Variants in GLRX3 observed in about 807,000 individuals in gnomAD.
The protein encoded by GLRX3 is glutaredoxin-3.
Under a neutral mutation model 49.5 loss-of-function variants are expected in GLRX3, and 22 were observed. The ratio of observed to expected loss-of-function variants is 0.44; its 90% CI spans 0.32 to 0.63. The LOEUF is 0.63. Ranked by LOEUF, GLRX3 falls within the 30% of genes least tolerant of loss-of-function variation. GLRX3 has a pLI of 0.05. For missense variants in GLRX3, 385 were observed against 396.3 expected, an observed-to-expected ratio of 0.97 and a Z score of 0.24; for synonymous variants, 133 against 140.0, an observed-to-expected ratio of 0.95 and a Z score of 0.35.
chr10:130,136,399 G>A lies in GLRX3; in HGVS notation c.-22G>A, dbSNP rs570224898. The A allele has an allele frequency of 3.2e-6, 4 of 1,249,144 alleles. No homozygotes were observed. In the East Asian group the frequency reaches 1.3e-4, roughly 39 times the overall value. The allele number at this position is 1,249,144 out of a possible 1,614,324, so 77.4% of individuals were successfully genotyped here. A position where few individuals can be genotyped will look rare whatever the true frequency, so the allele number is the denominator to read the frequency against. Reference sequence around the variant, plus strand: ...CACATCCGGCCGCCGGCACTGGATTGCTTCTGTCTGGCGGCGGCAGCATGG... The same window carrying A: ...CACATCCGGCCGCCGGCACTGGATTACTTCTGTCTGGCGGCGGCAGCATGG... On this transcript the variant is annotated 5_prime_UTR_variant, in exon 1 of 11. Coordinates refer to ENST00000331244, the MANE Select transcript of GLRX3 (RefSeq NM_006541.5).
intron 1 of GLRX3, among the ~76,000 whole-genome samples, 187 bp from the exon 2 acceptor site, chr10:130,145,020 TGAAA>T (rs1477487797): frequency 3.9e-5 from 6 of 152,254 alleles, no homozygotes; most frequent in African/African-American, 1.4e-4. Context: ...AAAATTTATC[TGAAA>T]GAGTCTCAAG....
Position 130,154,677 on chromosome 10 carries a change from CA to C in GLRX3, c.202-5317del, listed in dbSNP as rs1266974797. The stretch of plus-strand genomic sequence containing the variant: ...GTGTTCTCTCCTTAGTCTTGCAGCT[CA>C]GTGCCATCATTGGTAAGTGGCCATC... On this transcript the variant is annotated intron_variant, in intron 2 of 10. Coordinates refer to ENST00000331244, the MANE Select transcript of GLRX3 (RefSeq NM_006541.5). Among the ~76,000 whole-genome samples the C allele has an allele frequency of 2.0e-5, 3 of 152,066 alleles. No homozygotes were observed. The East Asian group carries it at 5.8e-4, about 29-fold the overall frequency.
rs57482969 is a variant in GLRX3 at position 130,148,433 on chromosome 10, C to CTTTTT, written c.201+3137_201+3141dup. Among the ~76,000 whole-genome samples the CTTTTT allele has an allele frequency of 2.8e-4, 20 of 70,578 alleles. 3 individuals carry two copies. Among genetic ancestry groups the CTTTTT allele is most frequent in the Admixed American group, 1.1e-3 (5 of 4,466 alleles). The allele number at this position is 70,578 out of a possible 152,430, so 46.3% of individuals were successfully genotyped here. ...GATGTGAGCCACTTTGCCCTTCAGT[C>CTTTTT]TTTTTTTTTTTTTTTTTTTTTTTTT... On this transcript the variant is annotated intron_variant, in intron 2 of 10. Transcript: ENST00000331244.
chr10:130,163,289 G>A (rs981937502), intron 4 of GLRX3, among the ~76,000 whole-genome samples: 1 of 152,124 alleles, frequency 6.6e-6, no homozygotes, highest in Non-Finnish European at 1.5e-5. Context: ...GCTGGGCATG[G>A]TGGAGTCCTG....
chr10:130,173,665 A>C (rs1815535266), intron 8 of GLRX3, among the ~76,000 whole-genome samples: 1 of 152,056 alleles, frequency 6.6e-6, no homozygotes. Flanking sequence ...TAGTTGTATA[A>C]CTCATTGTTT....
intron 1 of GLRX3, among the ~76,000 whole-genome samples, chr10:130,142,529 GT>G (rs1469979036): frequency 1.3e-5 from 2 of 151,996 alleles, no homozygotes; most frequent in Non-Finnish European, 2.9e-5. Flanking sequence ...CTATCCCCTA[GT>G]AAAATAAACA....
intron 2 of GLRX3, among the ~76,000 whole-genome samples, chr10:130,149,166 C>A (rs1253995432): frequency 6.6e-6 from 1 of 152,138 alleles, no homozygotes; most frequent in Non-Finnish European, 1.5e-5. Context: ...CTCTTCTGGG[C>A]TCCGTCCTGA....
chr10:130,172,181 A>G (rs908796983), intron 8 of GLRX3, among the ~76,000 whole-genome samples: 3 of 152,198 alleles, frequency 2.0e-5, no homozygotes, highest in Admixed American at 6.5e-5. Context: ...CTATTTGTCT[A>G]CTTTCCCAGA....
intron 1 of GLRX3, among the ~76,000 whole-genome samples, chr10:130,143,591 T>C (rs1050570852): frequency 4.6e-5 from 7 of 152,276 alleles, no homozygotes; most frequent in African/African-American, 1.4e-4. Flanking sequence ...TGTAGTGGTA[T>C]GATCATGGCT....
At chr10:130,164,623 G>T (rs1422481379) in intron 4 of GLRX3, among the ~76,000 whole-genome samples, 2 of 152,014 alleles carry the variant, frequency 1.3e-5, no homozygotes, top group Non-Finnish European at 2.9e-5. Flanking sequence ...TATTTTTATT[G>T]CATGCATGCA....
intron 6 of GLRX3, among the ~76,000 whole-genome samples, chr10:130,168,250 G>A (rs957956911): frequency 1.3e-5 from 2 of 152,136 alleles, no homozygotes; most frequent in African/African-American, 4.8e-5. Flanking sequence ...ATGTATTTTG[G>A]CAGTACTTTG....
chr10:130,163,758 G>T (rs2134908021), intron 4 of GLRX3, among the ~76,000 whole-genome samples: 1 of 152,254 alleles, frequency 6.6e-6, no homozygotes, highest in South Asian at 2.1e-4. Flanking sequence ...TCCTTTCTGA[G>T]CCTGGTTAGT....
chr10:130,172,058 A>T (rs1233612032), intron 8 of GLRX3, among the ~76,000 whole-genome samples: 1 of 152,108 alleles, frequency 6.6e-6, no homozygotes, highest in African/African-American at 2.4e-5. Flanking sequence ...ATCTTTCTTT[A>T]TTTTTTGCTG....
At chr10:130,157,096 A>G (rs914353729) in intron 2 of GLRX3, among the ~76,000 whole-genome samples, 1 of 152,154 alleles carries the variant, frequency 6.6e-6, no homozygotes, top group Non-Finnish European at 1.5e-5. Flanking sequence ...CTCTAGAGAA[A>G]CAGAACTAAC....
chr10:130,163,328 A>G (rs1025446278), intron 4 of GLRX3, among the ~76,000 whole-genome samples: 9 of 152,208 alleles, frequency 5.9e-5, no homozygotes, highest in African/African-American at 2.2e-4. Context: ...AGGCTGAGGC[A>G]GGAGAATTGC....
At chr10:130,158,103 GT>G (rs1862511257) in intron 2 of GLRX3, among the ~76,000 whole-genome samples, 1 of 152,188 alleles carries the variant, frequency 6.6e-6, no homozygotes, top group East Asian at 1.9e-4. Context: ...AGTGGAGGCA[GT>G]TGTGGTAGTT....
chr10:130,149,441 C>CAAAA (rs57634103), intron 2 of GLRX3, among the ~76,000 whole-genome samples: 6 of 128,154 alleles, frequency 4.7e-5, no homozygotes, highest in African/African-American at 8.5e-5. Flanking sequence ...GACTCCGTCT[C>CAAAA]AAAAAAAAAA....
At chr10:130,142,005 G>C (rs1242740716) in intron 1 of GLRX3, among the ~76,000 whole-genome samples, 1 of 152,168 alleles carries the variant, frequency 6.6e-6, no homozygotes, top group Non-Finnish European at 1.5e-5. Context: ...GGAGGAAGAT[G>C]AAACAGTGCT....
At chr10:130,175,538 T>C (rs1237763221) in intron 10 of GLRX3, among the ~76,000 whole-genome samples, 1 of 152,194 alleles carries the variant, frequency 6.6e-6, no homozygotes, top group African/African-American at 2.4e-5. Flanking sequence ...GTAGGTCCTT[T>C]TTGGTTTTGA....
Sources: gnomAD v4.1 joint callset for allele counts (sites outside exome capture counted in the v4.1 genomes callset) on GRCh38, gnomAD v4.1.1 for gene constraint, MANE v1.5 for transcripts, NCBI Gene and HGNC (gene_info 2026-07-23, HGNC 2026-07-21) for gene names.